Variants in PRKN observed in about 807,000 individuals in gnomAD.
PRKN encodes parkin RBR E3 ubiquitin protein ligase, also known as E3 ubiquitin-protein ligase parkin.
PRKN carries 56 observed loss-of-function variants against 59.5 expected under a neutral mutation model. The observed-to-expected ratio is 0.94, with a 90% CI of 0.76 to 1.18. PRKN has a LOEUF of 1.18. PRKN is among the 50% of genes most tolerant of loss of function. The pLI is 0.00. For synonymous variants in PRKN, 250 were observed against 222.1 expected (o/e 1.13, Z -1.12); for missense variants, 657 against 596.4 (o/e 1.10, Z -1.06).
chr6:161,465,610 A>T (rs1430025827), intron 9 of PRKN, among the ~76,000 whole-genome samples: 2 of 152,080 alleles, frequency 1.3e-5, no homozygotes. Context: ...CTCTCCATAC[A>T]ATGAGGTTCC....
rs1200398082 is a variant in PRKN at position 162,235,388 on chromosome 6, G to A, written c.412+27137C>T. The stretch of plus-strand genomic sequence containing the variant: ...TAAATGAGTCTTACGACATGCCTCC[G>A]TCATTCTGATATTGTGGACAAATGA... On this transcript the variant is annotated intron_variant, in intron 3 of 11. Transcript: ENST00000366898. Among the ~76,000 whole-genome samples, 7 of 152,136 alleles carry A rather than the reference G, an allele frequency of 4.6e-5. No individual in the cohort carries two copies. The South Asian group carries it at 6.2e-4, about 14-fold the overall frequency.
intron 9 of PRKN, among the ~76,000 whole-genome samples, chr6:161,472,498 C>G (rs902473351): frequency 6.6e-5 from 10 of 152,110 alleles, no homozygotes; most frequent in African/African-American, 1.9e-4. Flanking sequence ...GTATCATACA[C>G]AAAAATCAAC....
rs57551959 is a variant in PRKN, at chr6:161,554,403, T to TACACACACACACAC, written c.934-5414_934-5401dup. ...TAACCTTCATGTTATCTTACTTCTA[T>TACACACACACACAC]ACACACACACACACACACACACACA... On this transcript the variant is annotated intron_variant, in intron 8 of 11. Coordinates refer to ENST00000366898, the MANE Select transcript of PRKN (RefSeq NM_004562.3). This position sits in a 1 kb window ranked among gnomAD's most constrained non-coding sequence, Gnocchi z 4.5. 2.0e-4 allele frequency among the ~76,000 whole-genome samples: 30 copies of TACACACACACACAC among 147,086 alleles called. No homozygotes were observed. The highest frequency in any genetic ancestry group is 7.3e-4 in the African/African-American group (29 of 39,928).
At chr6:161,591,497 T>A (rs913231679) in intron 7 of PRKN, among the ~76,000 whole-genome samples, 5 of 152,204 alleles carry the variant, frequency 3.3e-5, no homozygotes, top group African/African-American at 9.6e-5. Context: ...TACTGGATAG[T>A]TCAATGTTGT....
At chr6:162,372,981 G>A (rs149532672) in intron 2 of PRKN, among the ~76,000 whole-genome samples, 1 of 152,068 alleles carries the variant, frequency 6.6e-6, no homozygotes, top group Non-Finnish European at 1.5e-5. Flanking sequence ...ATTTTATGTG[G>A]ATGTAGACCA....
At chr6:161,948,532 A>C (rs1221002380) in intron 6 of PRKN, among the ~76,000 whole-genome samples, 1 of 152,198 alleles carries the variant, frequency 6.6e-6, no homozygotes, top group Non-Finnish European at 1.5e-5. Context: ...ATGACACATG[A>C]AAGAAGAGTA....
intron 2 of PRKN, among the ~76,000 whole-genome samples, chr6:162,352,188 G>A (rs1472496672): frequency 6.6e-6 from 1 of 152,114 alleles, no homozygotes; most frequent in African/African-American, 2.4e-5. Context: ...GAATTCCTAT[G>A]GTTGGCAATA....
intron 6 of PRKN, among the ~76,000 whole-genome samples, chr6:161,838,397 A>T (rs1792847833): frequency 6.6e-6 from 1 of 152,198 alleles, no homozygotes; most frequent in Non-Finnish European, 1.5e-5. Flanking sequence ...AGCCAGACTT[A>T]GCTGCAAGTC....
At chr6:162,726,285 G>T (rs1381536454) in intron 1 of PRKN, among the ~76,000 whole-genome samples, 2 of 152,086 alleles carry the variant, frequency 1.3e-5, no homozygotes, top group African/African-American at 2.4e-5. Context: ...TTCAAAATAA[G>T]GTATAGGCTA....
At chr6:162,139,813 G>A (rs188556273) in intron 4 of PRKN, among the ~76,000 whole-genome samples, 4 of 151,266 alleles carry the variant, frequency 2.6e-5, no homozygotes, top group Admixed American at 2.6e-4. Context: ...CCACTCCAAC[G>A]AACAGAAGGT....
In PRKN at chr6:162,707,874, C is replaced by T. The variant is rs368766644; in HGVS notation, c.7+19788G>A. ...GGATTATAGGCATAAGCCACCATACCTGGCTAATATTTGTATTTTTAGTAG... is the reference window on the plus strand; with the variant it reads ...GGATTATAGGCATAAGCCACCATACTTGGCTAATATTTGTATTTTTAGTAG... On this transcript the variant is annotated intron_variant, in intron 1 of 11. Coordinates refer to ENST00000366898, the MANE Select transcript of PRKN (RefSeq NM_004562.3). 6.6e-4 allele frequency among the ~76,000 whole-genome samples: 101 copies of T among 152,164 alleles called. No homozygotes were observed. The East Asian group carries it at 9.9e-3, about 15-fold the overall frequency.
At chr6:161,366,980 TCC>T (rs1311798165) in intron 10 of PRKN, among the ~76,000 whole-genome samples, 3 of 140,440 alleles carry the variant, frequency 2.1e-5, no homozygotes, top group Admixed American at 6.9e-5. Context: ...TTTTTTTGTT[TCC>T]TTTTTTTTTT....
intron 3 of PRKN, among the ~76,000 whole-genome samples, chr6:162,210,642 A>C (rs1189662497): frequency 6.6e-6 from 1 of 152,166 alleles, no homozygotes; most frequent in African/African-American, 2.4e-5. Context: ...TATGGAACAC[A>C]AACCCTGATG....
rs548599104 is a variant in PRKN at position 161,378,382 on chromosome 6, G to A, written c.1167+8412C>T. 8.5e-5 allele frequency among the ~76,000 whole-genome samples: 13 copies of A among 152,252 alleles called. No individual in the cohort carries two copies. Among genetic ancestry groups the A allele is most frequent in the South Asian group, 2.1e-4 (1 of 4,812 alleles). On this transcript the variant is annotated intron_variant, in intron 10 of 11. Coordinates refer to ENST00000366898, the MANE Select transcript of PRKN (RefSeq NM_004562.3). This position sits in a 1 kb window ranked among gnomAD's most constrained non-coding sequence, Gnocchi z 7.3. Reference sequence around the variant, plus strand: ...CGGGCATCCCCCCATCTGCCACACCGCCAACATTCAACCTGCCGGCAACAA... The same window carrying A: ...CGGGCATCCCCCCATCTGCCACACCACCAACATTCAACCTGCCGGCAACAA...
intron 7 of PRKN, among the ~76,000 whole-genome samples, chr6:161,614,322 G>T (rs1044805601): frequency 6.6e-6 from 1 of 152,174 alleles, no homozygotes; most frequent in Admixed American, 6.5e-5. Flanking sequence ...TATTTTTAGT[G>T]ATGGAGACAT....
rs1784417694 is a variant in PRKN at position 161,348,690 on chromosome 6, C to T, written c.*1409G>A. 4 of 209,994 alleles carry T rather than the reference C, an allele frequency of 1.9e-5. No individual in the cohort carries two copies. The highest frequency in any genetic ancestry group is 5.9e-5 in the Admixed American group (1 of 16,942). The allele number at this position is 209,994 out of a possible 1,614,324, so 13.0% of individuals were successfully genotyped here. A position where few individuals can be genotyped will look rare whatever the true frequency, so the allele number is the denominator to read the frequency against. On this transcript the variant is annotated 3_prime_UTR_variant, in exon 12 of 12. Coordinates refer to ENST00000366898, the MANE Select transcript of PRKN (RefSeq NM_004562.3). The surrounding 1 kb of genome is among the most constrained non-coding windows in gnomAD (Gnocchi z 4.9). ...GCCCTGTTGCCGATTTAATAATTTACAGTCTCTAAATCCAAAAGGGCCTCC... is the reference window on the plus strand; with the variant it reads ...GCCCTGTTGCCGATTTAATAATTTATAGTCTCTAAATCCAAAAGGGCCTCC...
chr6:161,577,128 CT>C (rs1781161400), intron 7 of PRKN, among the ~76,000 whole-genome samples: 2 of 152,148 alleles, frequency 1.3e-5, no homozygotes, highest in Admixed American at 6.5e-5. Context: ...AAAAGAAAAG[CT>C]AATACTTCTA....
intron 2 of PRKN, among the ~76,000 whole-genome samples, chr6:162,332,470 A>G (rs533440065): frequency 2.0e-5 from 3 of 152,046 alleles, no homozygotes; most frequent in Non-Finnish European, 2.9e-5. Context: ...ACGCACATAA[A>G]TTATTTCTGC....
intron 4 of PRKN, among the ~76,000 whole-genome samples, chr6:162,101,345 C>T (rs183798328): frequency 7.9e-5 from 12 of 151,492 alleles, no homozygotes; most frequent in Admixed American, 6.6e-4. Context: ...GTACTTTCCC[C>T]GTTATGTATT....
Sources: allele counts gnomAD v4.1 joint callset (sites outside exome capture counted in the v4.1 genomes callset), GRCh38; gene constraint gnomAD v4.1.1; non-coding constraint Gnocchi (gnomAD v3.1); transcripts MANE v1.5; gene names NCBI Gene and HGNC (gene_info 2026-07-23, HGNC 2026-07-21).